Variants in TRDN observed in about 807,000 individuals in gnomAD.
The protein encoded by TRDN is triadin.
A neutral mutation model predicts 149.7 loss-of-function variants in TRDN; 161 were observed. That is an observed-to-expected ratio of 1.08 (90% CI 0.95 to 1.23). The LOEUF (loss-of-function observed/expected upper bound fraction) is 1.23. Ranked by LOEUF, TRDN falls within the 50% of genes most tolerant of loss-of-function variation. TRDN has a pLI of 0.00. For missense variants in TRDN, 896 were observed against 823.5 expected, an observed-to-expected ratio of 1.09 and a Z score of -1.08; for synonymous variants, 294 against 250.5, an observed-to-expected ratio of 1.17 and a Z score of -1.64.
intron 23 of TRDN, among the ~76,000 whole-genome samples, chr6:123,328,755 CTTCTT>C (rs1779557672): frequency 6.6e-6 from 1 of 152,086 alleles, no homozygotes; most frequent in Admixed American, 6.5e-5. Flanking sequence ...TGTTTTTCAC[CTTCTT>C]TTCTTGAATG....
intron 2 of TRDN, among the ~76,000 whole-genome samples, chr6:123,564,260 T>C (rs1394720971): frequency 6.6e-6 from 1 of 152,098 alleles, no homozygotes; most frequent in Non-Finnish European, 1.5e-5. Flanking sequence ...ATATGGAATT[T>C]GAGATAAGAC....
At chr6:123,530,317 TTA>T (rs1243920412) in intron 5 of TRDN, among the ~76,000 whole-genome samples, 187 bp downstream of exon 5, 13 of 150,244 alleles carry the variant, frequency 8.7e-5, no homozygotes, top group African/African-American at 2.9e-4. Flanking sequence ...TAAATATTAT[TTA>T]TGTTATTTAT....
intron 12 of TRDN, among the ~76,000 whole-genome samples, chr6:123,401,822 C>T (rs1471978062): frequency 1.3e-5 from 2 of 151,950 alleles, no homozygotes; most frequent in African/African-American, 4.8e-5. Flanking sequence ...GGGTGCTCAC[C>T]TGTAATTCCA....
At chr6:123,224,361 G>A (rs556328861) in intron 38 of TRDN, among the ~76,000 whole-genome samples, 1 of 151,682 alleles carries the variant, frequency 6.6e-6, no homozygotes, top group Non-Finnish European at 1.5e-5. Context: ...GGCTGGTAAA[G>A]GTTACTTAGG....
In TRDN at chr6:123,316,417, G is replaced by T; in HGVS notation, c.1510+40C>A. 3 of 1,583,550 alleles carry T rather than the reference G, an allele frequency of 1.9e-6. No homozygotes were observed. In the South Asian group the frequency reaches 3.3e-5, roughly 18 times the overall value. On this transcript the variant is annotated intron_variant, in intron 24 of 40. Transcript: ENST00000334268. The stretch of plus-strand genomic sequence containing the variant: ...AAACTAGCTTTCTTCCAACCAAACA[G>T]AACATCTCCTTGTATGTAAATCTTA...
chr6:123,375,890 A>G (rs1337770098), intron 18 of TRDN, among the ~76,000 whole-genome samples: 1 of 152,128 alleles, frequency 6.6e-6, no homozygotes, highest in African/African-American at 2.4e-5. Flanking sequence ...TTACAAATCA[A>G]TCATCTTGCT....
chr6:123,275,984 T>A (rs777844595), intron 26 of TRDN, among the ~76,000 whole-genome samples: 8 of 152,118 alleles, frequency 5.3e-5, no homozygotes, highest in Non-Finnish European at 8.8e-5. Flanking sequence ...AATGCCTTGT[T>A]ACTGTGTCCT....
chr6:123,329,855 A>T (rs1330137713), intron 23 of TRDN, among the ~76,000 whole-genome samples: 3 of 152,116 alleles, frequency 2.0e-5, no homozygotes, highest in Non-Finnish European at 2.9e-5. Flanking sequence ...TGGTGATTAC[A>T]TTTAATTGTC....
chr6:123,499,719 A>AAAAAAAAAAAATATATATATATAT, intron 8 of TRDN, among the ~76,000 whole-genome samples: 3 of 47,670 alleles, frequency 6.3e-5, no homozygotes, highest in African/African-American at 2.1e-4. Context: ...AAAAAAAAAA[A>AAAAAAAAAAAATATATATATATAT]ATATATATAT....
intron 1 of TRDN, among the ~76,000 whole-genome samples, chr6:123,604,457 G>C (rs982927564): frequency 6.6e-6 from 1 of 152,196 alleles, no homozygotes; most frequent in African/African-American, 2.4e-5. Context: ...GAAATGAAGA[G>C]GCTGGACTTC....
At chr6:123,613,610 A>G (rs1025171208) in intron 1 of TRDN, among the ~76,000 whole-genome samples, 1 of 152,132 alleles carries the variant, frequency 6.6e-6, no homozygotes, top group Non-Finnish European at 1.5e-5. Context: ...AATACAAGAC[A>G]CCAGATGATA....
At chr6:123,407,952 G>A (rs1400293470) in intron 12 of TRDN, among the ~76,000 whole-genome samples, 2 of 152,288 alleles carry the variant, frequency 1.3e-5, no homozygotes, top group East Asian at 1.9e-4. Context: ...AACACATTAA[G>A]AGCATAAGTC....
chr6:123,444,084 G>A (rs987494597), intron 10 of TRDN, among the ~76,000 whole-genome samples: 1 of 147,982 alleles, frequency 6.8e-6, no homozygotes, highest in Non-Finnish European at 1.5e-5. Flanking sequence ...GATGGGGATG[G>A]CATTGAATCT....
Position 123,442,540 on chromosome 6 carries a change from C to T in TRDN, c.932-3537G>A, listed in dbSNP as rs1224043197. ...CCGCCTGGGCCACAGAGCGAGACTC[C>T]GTCTCAAAAAAAAAAAAAAAAGAAA... is the stretch of plus-strand genomic sequence containing the variant. On this transcript the variant is annotated intron_variant, in intron 10 of 40. Transcript: ENST00000334268. Among the ~76,000 whole-genome samples the T allele has an allele frequency of 5.6e-5, 5 of 89,312 alleles. 1 individual carries two copies. The highest frequency in any genetic ancestry group is 2.4e-4 in the Admixed American group (2 of 8,482). 58.6% of individuals were successfully genotyped at this position (89,312 alleles called of 152,430 possible).
At chr6:123,378,611 C>T (rs1008995269) in intron 16 of TRDN, among the ~76,000 whole-genome samples, 4 of 152,014 alleles carry the variant, frequency 2.6e-5, no homozygotes, top group East Asian at 1.9e-4. Context: ...GCCACAGCAC[C>T]GCAGCTTATT....
At chr6:123,359,432 T>C (rs1167510889) in intron 20 of TRDN, among the ~76,000 whole-genome samples, 4 of 152,166 alleles carry the variant, frequency 2.6e-5, no homozygotes, top group Non-Finnish European at 5.9e-5. Flanking sequence ...TTTAAGTGGC[T>C]TATTCAGTTT....
chr6:123,315,540 A>T (rs1582860882), intron 24 of TRDN, among the ~76,000 whole-genome samples: 2 of 151,970 alleles, frequency 1.3e-5, no homozygotes, highest in Non-Finnish European at 2.9e-5. Flanking sequence ...CTGCTTAAAT[A>T]TAGATTAAAA....
At chr6:123,420,266 A>T (rs1448409706) in intron 12 of TRDN, among the ~76,000 whole-genome samples, 1 of 152,240 alleles carries the variant, frequency 6.6e-6, no homozygotes, top group Non-Finnish European at 1.5e-5. Flanking sequence ...TGACTTTCAT[A>T]AAGTTTAGAA....
intron 8 of TRDN, among the ~76,000 whole-genome samples, chr6:123,497,979 TG>T (rs1468940145): frequency 3.1e-4 from 14 of 45,544 alleles, no homozygotes; most frequent in Admixed American, 5.0e-4. Flanking sequence ...CTTCAGGAGT[TG>T]GTTTTTTTTC....
Sources: allele counts gnomAD v4.1 joint callset (sites outside exome capture counted in the v4.1 genomes callset), GRCh38; gene constraint gnomAD v4.1.1; transcripts MANE v1.5; gene names NCBI Gene and HGNC (gene_info 2026-07-23, HGNC 2026-07-21).